Variants in RUNDC3B observed in about 807,000 individuals in gnomAD.
RUNDC3B encodes the protein RUN domain containing 3B.
A neutral mutation model predicts 58.4 loss-of-function variants in RUNDC3B; 33 were observed. That is an observed-to-expected ratio of 0.56 (90% CI 0.43 to 0.75). The LOEUF (loss-of-function observed/expected upper bound fraction) is 0.75, where lower values mean the gene tolerates loss of function less well. RUNDC3B is among the 30% of genes least tolerant of loss of function. The pLI is 0.00. For synonymous variants in RUNDC3B, 193 were observed against 195.2 expected, an observed-to-expected ratio of 0.99 and a Z score of 0.10; for missense variants, 501 against 535.7, an observed-to-expected ratio of 0.94 and a Z score of 0.64.
At chr7:87,636,081 T>C (rs1172598067) in intron 1 of RUNDC3B, among the ~76,000 whole-genome samples, 1 of 152,224 alleles carries the variant, frequency 6.6e-6, no homozygotes, top group Non-Finnish European at 1.5e-5. Flanking sequence ...ATGTACATTT[T>C]TCTGTCTGAT....
chr7:87,684,479 T>C (rs1357202656), intron 2 of RUNDC3B, among the ~76,000 whole-genome samples: 1 of 152,078 alleles, frequency 6.6e-6, no homozygotes, highest in Non-Finnish European at 1.5e-5. Context: ...CTTATACGTA[T>C]AGATAAATAG....
chr7:87,629,670 G>T (rs1821000402), intron 1 of RUNDC3B, among the ~76,000 whole-genome samples: 1 of 152,168 alleles, frequency 6.6e-6, no homozygotes. Flanking sequence ...GCTTACACCT[G>T]TAATCCTAGC....
chr7:87,667,201 C>T (rs1289165817), intron 2 of RUNDC3B, among the ~76,000 whole-genome samples: 1 of 152,014 alleles, frequency 6.6e-6, no homozygotes, highest in Non-Finnish European at 1.5e-5. Context: ...AGATTTTTCA[C>T]CTCCCTGGGT....
At chr7:87,802,400 A>T (rs952167589) in intron 8 of RUNDC3B, among the ~76,000 whole-genome samples, 1 of 152,236 alleles carries the variant, frequency 6.6e-6, no homozygotes, top group South Asian at 2.1e-4. Context: ...CTCAAAAAAA[A>T]TAAAAGATAA....
chr7:87,638,851 T>C (rs190568692), intron 1 of RUNDC3B, among the ~76,000 whole-genome samples: 1 of 152,288 alleles, frequency 6.6e-6, no homozygotes, highest in Non-Finnish European at 1.5e-5. Context: ...ACTCCTCAGT[T>C]TATTTAGAAA....
Position 87,777,796 on chromosome 7 carries a change from A to G in RUNDC3B, c.799-2A>G, listed in dbSNP as rs754766940. ...TATATCTTGATGATACTGGATTTCC[A>G]GGGTTACCTTGAAGAACTCTTACGA... On this transcript the variant is annotated splice_acceptor_variant, in intron 7 of 10. Coordinates refer to ENST00000394654, the MANE Select transcript of RUNDC3B (RefSeq NM_001134405.2). LOFTEE classifies it high-confidence loss of function. 32 of 1,612,938 alleles carry G rather than the reference A, an allele frequency of 2.0e-5. No individual in the cohort carries two copies. Among genetic ancestry groups the G allele is most frequent in the Non-Finnish European group, 1.7e-6 (2 of 1,179,460 alleles).
chr7:87,689,280 A>G (rs375015495), intron 2 of RUNDC3B, among the ~76,000 whole-genome samples: 1 of 152,056 alleles, frequency 6.6e-6, no homozygotes, highest in Non-Finnish European at 1.5e-5. Context: ...TCTGATGGTA[A>G]TTCATGTTTA....
intron 2 of RUNDC3B, among the ~76,000 whole-genome samples, chr7:87,675,095 C>A (rs932574695): frequency 6.6e-6 from 1 of 152,182 alleles, no homozygotes; most frequent in African/African-American, 2.4e-5. Flanking sequence ...GAGAGCGGGC[C>A]GCTCCTCACT....
intron 3 of RUNDC3B, among the ~76,000 whole-genome samples, chr7:87,705,212 G>A (rs1292594242): frequency 6.6e-6 from 1 of 152,082 alleles, no homozygotes; most frequent in African/African-American, 2.4e-5. Context: ...ATCACCTGAG[G>A]TCAGCAGTTC....
At position 87,659,772 on chromosome 7, in the gene RUNDC3B, C is replaced by G. The variant is rs183838202; in HGVS notation, c.238+8835C>G. Among the ~76,000 whole-genome samples, 3 of 152,264 alleles carry G rather than the reference C, an allele frequency of 2.0e-5. No individual in the cohort carries two copies. In the East Asian group the frequency reaches 5.8e-4, roughly 29 times the overall value. On this transcript the variant is annotated intron_variant, in intron 2 of 10. Coordinates refer to ENST00000394654, the MANE Select transcript of RUNDC3B (RefSeq NM_001134405.2). ...TTCTAGCCAGTCTTCCTTTTTATCT[C>G]CACCTTCAGAATCTTTTAATGTTTG...
intron 7 of RUNDC3B, among the ~76,000 whole-genome samples, chr7:87,776,875 T>G (rs992238250): frequency 2.0e-5 from 3 of 152,224 alleles, no homozygotes; most frequent in African/African-American, 7.2e-5. Flanking sequence ...GGATAACATG[T>G]AATAGAAGAA....
intron 6 of RUNDC3B, among the ~76,000 whole-genome samples, chr7:87,748,059 G>A (rs1030722649): frequency 6.6e-6 from 1 of 152,186 alleles, no homozygotes; most frequent in African/African-American, 2.4e-5. Context: ...TCCCTGTGGA[G>A]TTTTAGCCCC....
rs10245845 is a variant in RUNDC3B, at chr7:87,799,398, C to G, written c.957-7975C>G. On this transcript the variant is annotated intron_variant, in intron 8 of 10. Transcript: ENST00000394654. Reference sequence around the variant, plus strand: ...GTCAGGGGTTAGAGTATATGTAACACCTTTATCTTTGGTGACTTTCCCTTT... The same window carrying G: ...GTCAGGGGTTAGAGTATATGTAACAGCTTTATCTTTGGTGACTTTCCCTTT... 6.6e-3 allele frequency among the ~76,000 whole-genome samples: 1,010 copies of G among 152,166 alleles called. 11 individuals are homozygous for G. The highest frequency in any genetic ancestry group is 0.023 in the African/African-American group (969 of 41,530).
intron 8 of RUNDC3B, among the ~76,000 whole-genome samples, chr7:87,786,485 C>G (rs1835224838): frequency 6.6e-6 from 1 of 151,618 alleles, no homozygotes; most frequent in African/African-American, 2.4e-5. Flanking sequence ...AAGAGATTAA[C>G]ACCTTTCTTA....
intron 2 of RUNDC3B, among the ~76,000 whole-genome samples, chr7:87,692,973 CTTTCATT>C (rs1485247605): frequency 6.6e-6 from 1 of 151,436 alleles, no homozygotes; most frequent in Non-Finnish European, 1.5e-5. Flanking sequence ...TATCTCCTTC[CTTTCATT>C]TTTCATGTCA....
intron 6 of RUNDC3B, among the ~76,000 whole-genome samples, chr7:87,749,747 A>G (rs1453306527): frequency 6.6e-6 from 1 of 152,134 alleles, no homozygotes; most frequent in Non-Finnish European, 1.5e-5. Flanking sequence ...AAGATAGCGG[A>G]AAGTTTAAGT....
chr7:87,701,809 T>C (rs1032132904), intron 3 of RUNDC3B, among the ~76,000 whole-genome samples: 6 of 152,154 alleles, frequency 3.9e-5, no homozygotes, highest in African/African-American at 1.2e-4. Context: ...AGATATCTAA[T>C]TATCTTGTAA....
chr7:87,694,107 T>A, intron 2 of RUNDC3B: 1 of 1,445,946 alleles, frequency 6.9e-7, no homozygotes, highest in Non-Finnish European at 9.2e-7. Flanking sequence ...TTTGTTTTTT[T>A]TTTTTAATCC....
chr7:87,720,286 T>C (rs1206016894), intron 4 of RUNDC3B, among the ~76,000 whole-genome samples: 2 of 152,108 alleles, frequency 1.3e-5, no homozygotes. Context: ...ATTATTTCTT[T>C]TATGTCATTT....
Sources: allele counts gnomAD v4.1 joint callset (sites outside exome capture counted in the v4.1 genomes callset), GRCh38; gene constraint gnomAD v4.1.1; transcripts MANE v1.5; gene names NCBI Gene and HGNC (gene_info 2026-07-23, HGNC 2026-07-21).